The following IL1RAPL2 variants were observed in gnomAD, a reference collection of about 807,000 sequenced individuals.
IL1RAPL2 encodes interleukin 1 receptor accessory protein like 2, also known as X-linked interleukin-1 receptor accessory protein-like 2.
IL1RAPL2 carries 3 observed loss-of-function variants against 44.1 expected under a neutral mutation model. That is an observed-to-expected ratio of 0.07 (90% CI 0.03 to 0.18). IL1RAPL2 has a LOEUF of 0.18. Ranked by LOEUF, IL1RAPL2 falls within the 10% of genes least tolerant of loss-of-function variation. The pLI is 1.00. For missense variants in IL1RAPL2, 391 were observed against 496.4 expected (o/e 0.79, Z 2.02); for synonymous variants, 181 against 178.8 (o/e 1.01, Z -0.10).
intron 2 of IL1RAPL2, among the ~76,000 whole-genome samples, chrX:104,751,328 G>T (rs1932256072): frequency 9.0e-6 from 1 of 111,528 alleles, no homozygotes; most frequent in African/African-American, 3.3e-5. Flanking sequence ...CCCTCAGGGA[G>T]TTTAAAATCT....
intron 5 of IL1RAPL2, among the ~76,000 whole-genome samples, chrX:105,376,708 G>T (rs1279526158): frequency 8.9e-6 from 1 of 111,773 alleles, no homozygotes; most frequent in Non-Finnish European, 1.9e-5. Context: ...ATAGGAGTAG[G>T]TGTATGCAAG....
At chrX:104,791,696 T>C (rs1417018456) in intron 2 of IL1RAPL2, among the ~76,000 whole-genome samples, 4 of 111,771 alleles carry the variant, frequency 3.6e-5, no homozygotes, top group Non-Finnish European at 7.5e-5. Context: ...GAAAGTCTCT[T>C]ATTATATTCC....
intron 2 of IL1RAPL2, among the ~76,000 whole-genome samples, chrX:104,857,965 GA>G (rs1451600468): frequency 1.8e-5 from 2 of 111,087 alleles, no homozygotes; most frequent in African/African-American, 6.5e-5. Flanking sequence ...ACTATATTTA[GA>G]ATACCCTCAC....
intron 5 of IL1RAPL2, among the ~76,000 whole-genome samples, chrX:105,447,075 T>TTATATATATATA (rs1205983853): frequency 0.01 from 174 of 16,848 alleles, 2 homozygotes; most frequent in South Asian, 0.049. Context: ...CTGGTTAAAA[T>TTATATATATATA]TATATATATA....
chrX:105,661,063 A>G (rs1345028727), intron 6 of IL1RAPL2, among the ~76,000 whole-genome samples: 1 of 111,832 alleles, frequency 8.9e-6, no homozygotes, highest in Non-Finnish European at 1.9e-5. Flanking sequence ...ATAAAAACAC[A>G]CAAAGACTAA....
intron 2 of IL1RAPL2, among the ~76,000 whole-genome samples, chrX:105,124,157 T>C (rs757884229): frequency 7.2e-5 from 8 of 111,514 alleles, no homozygotes; most frequent in African/African-American, 9.7e-5. Context: ...TTCCTCCTTG[T>C]ACTACATAGC....
chrX:104,862,610 G>A (rs1286497921), intron 2 of IL1RAPL2, among the ~76,000 whole-genome samples: 1 of 111,372 alleles, frequency 9.0e-6, no homozygotes, highest in African/African-American at 3.3e-5. Flanking sequence ...ATCCTCCAGA[G>A]CTATGAGAAA....
intron 2 of IL1RAPL2, among the ~76,000 whole-genome samples, chrX:105,163,110 A>AAC (rs1156245961): frequency 9.0e-6 from 1 of 111,672 alleles, no homozygotes; most frequent in African/African-American, 3.3e-5. Flanking sequence ...GTTTTACTGG[A>AAC]ACACAGTCAT....
intron 5 of IL1RAPL2, among the ~76,000 whole-genome samples, chrX:105,311,635 CACACACAT>C (rs1321237797): frequency 1.6e-4 from 16 of 98,123 alleles, no homozygotes; most frequent in African/African-American, 4.7e-4. Flanking sequence ...CACACACACA[CACACACAT>C]ATATATATAT....
intron 2 of IL1RAPL2, among the ~76,000 whole-genome samples, chrX:105,073,100 T>C (rs1210360736): frequency 2.8e-5 from 3 of 107,254 alleles, no homozygotes; most frequent in African/African-American, 1.0e-4. Context: ...ATATTCAGGT[T>C]TGTTACATAT....
intron 2 of IL1RAPL2, among the ~76,000 whole-genome samples, chrX:105,060,703 A>C (rs1428816828): frequency 1.9e-5 from 2 of 105,200 alleles, no homozygotes; most frequent in Non-Finnish European, 3.9e-5. Flanking sequence ...TAGTTTGAGT[A>C]GGATTAATAT....
chrX:105,714,305 T>A (rs1167236645), intron 6 of IL1RAPL2, among the ~76,000 whole-genome samples: 9 of 111,603 alleles, frequency 8.1e-5, no homozygotes, highest in Non-Finnish European at 3.8e-5. Flanking sequence ...TTATGGTCTG[T>A]CCACATCAGT....
chrX:105,298,281 G>C (rs755243734), intron 5 of IL1RAPL2, among the ~76,000 whole-genome samples: 1 of 111,951 alleles, frequency 8.9e-6, no homozygotes, highest in Non-Finnish European at 1.9e-5. Context: ...GCAAGGAGAT[G>C]TTGAATGATT....
At chrX:105,701,666 C>G (rs994601496) in intron 6 of IL1RAPL2, among the ~76,000 whole-genome samples, 9 of 111,521 alleles carry the variant, frequency 8.1e-5, no homozygotes, top group Admixed American at 2.9e-4. Flanking sequence ...TTAGCTCTCT[C>G]ATACTCCATA....
intron 2 of IL1RAPL2, among the ~76,000 whole-genome samples, chrX:104,937,452 G>A (rs933446056): frequency 1.5e-4 from 17 of 112,004 alleles, no homozygotes; most frequent in African/African-American, 5.2e-4. Context: ...AGAGAGTGGA[G>A]AAGACATACC....
intron 6 of IL1RAPL2, among the ~76,000 whole-genome samples, chrX:105,514,277 T>A (rs1256345716): frequency 9.0e-6 from 1 of 111,212 alleles, no homozygotes; most frequent in African/African-American, 3.3e-5. Context: ...GGAACCCTGA[T>A]GTTGAGTTTA....
chrX:105,210,879 G>T (rs1867419460), intron 3 of IL1RAPL2, among the ~76,000 whole-genome samples: 2 of 110,490 alleles, frequency 1.8e-5, no homozygotes, highest in Non-Finnish European at 3.8e-5. Flanking sequence ...TCTCAATCTG[G>T]TTCAGGTCTA....
At chrX:104,796,383 T>C in intron 2 of IL1RAPL2, among the ~76,000 whole-genome samples, 1 of 111,795 alleles carries the variant, frequency 8.9e-6, no homozygotes, top group Non-Finnish European at 1.9e-5. Flanking sequence ...AGACAATGGA[T>C]ATGAGACGCT....
At chrX:105,563,066 G>A (rs1421285252) in intron 6 of IL1RAPL2, among the ~76,000 whole-genome samples, 2 of 111,790 alleles carry the variant, frequency 1.8e-5, no homozygotes, top group East Asian at 5.6e-4. Flanking sequence ...GATGACTACT[G>A]CTTTTAAATA....
Sources: allele counts gnomAD v4.1 joint callset (sites outside exome capture counted in the v4.1 genomes callset), GRCh38; gene constraint gnomAD v4.1.1; transcripts MANE v1.5; gene names NCBI Gene and HGNC (gene_info 2026-07-23, HGNC 2026-07-21).